WDFY4: variants seen among roughly 807,000 people sequenced by gnomAD.
WDFY4 encodes the protein WDFY family member 4.
Under a neutral mutation model 351.9 loss-of-function variants are expected in WDFY4, and 169 were observed. That is an observed-to-expected ratio of 0.48 (90% CI 0.42 to 0.55). WDFY4 has a LOEUF of 0.55. Ranked by LOEUF, WDFY4 falls within the 20% of genes least tolerant of loss-of-function variation. The pLI is 0.00. For synonymous variants in WDFY4, 1,622 were observed against 1,574.6 expected (o/e 1.03, Z -0.71); for missense variants, 3,803 against 3,935.6 (o/e 0.97, Z 0.90).
At chr10:48,822,762 C>A (rs2067867662) in intron 35 of WDFY4, among the ~76,000 whole-genome samples, 1 of 152,232 alleles carries the variant, frequency 6.6e-6, no homozygotes, top group African/African-American at 2.4e-5. Flanking sequence ...GGATTGGAAG[C>A]CTCAGCTCCC....
Position 48,901,969 on chromosome 10 carries a change from C to T in WDFY4, c.7586+106C>T, listed in dbSNP as rs1047394212. On this transcript the variant is annotated intron_variant, in intron 47 of 61. Transcript: ENST00000325239. ...GAAGTCTTGCAGAGAGCATGCCCAA[C>T]AGTTTCCCTCATTTTTCTCTCTCCT... is the stretch of plus-strand genomic sequence containing the variant. 28 of 1,011,852 alleles carry T rather than the reference C, an allele frequency of 2.8e-5. No homozygotes were observed. The African/African-American group carries it at 3.2e-4, about 12-fold the overall frequency. The allele number at this position is 1,011,852 out of a possible 1,614,324, so 62.7% of individuals were successfully genotyped here.
At position 48,914,014 on chromosome 10, in the gene WDFY4, G is replaced by T. The variant is rs373215473; in HGVS notation, c.7586+12151G>T. ...TCCAGCTCGTCCATGTCACTAAGGCGCAGAATACACTTGGGGAAGGTGGTA... is the reference window on the plus strand; with the variant it reads ...TCCAGCTCGTCCATGTCACTAAGGCTCAGAATACACTTGGGGAAGGTGGTA... On this transcript the variant is annotated intron_variant, in intron 47 of 61. Transcript: ENST00000325239. 1.1e-5 allele frequency: 18 copies of T among 1,614,054 alleles called. No individual in the cohort carries two copies. In the African/African-American group the frequency reaches 1.5e-4, roughly 13 times the overall value.
At chr10:48,848,403 G>A (rs2940712) in intron 39 of WDFY4, among the ~76,000 whole-genome samples, 56,135 of 152,028 alleles carry the variant, frequency 0.37, 10,725 homozygotes, top group East Asian at 0.71. Flanking sequence ...TAGGTCACCC[G>A]TTTACTGGAT....
intron 39 of WDFY4, 78 bp downstream of exon 39, chr10:48,832,787 G>T: frequency 7.1e-7 from 1 of 1,415,736 alleles, no homozygotes. Flanking sequence ...CTTCTTTGCT[G>T]CCTGTTACTA....
intron 39 of WDFY4, among the ~76,000 whole-genome samples, chr10:48,843,378 T>G (rs1190232214): frequency 6.6e-6 from 1 of 152,236 alleles, no homozygotes; most frequent in African/African-American, 2.4e-5. Context: ...TTAATTTACT[T>G]AAATACTTTA....
chr10:48,796,126 G>GTGGC (rs2066866629), intron 23 of WDFY4, among the ~76,000 whole-genome samples, 172 bp from the exon 24 acceptor site: 1 of 152,188 alleles, frequency 6.6e-6, no homozygotes, highest in Non-Finnish European at 1.5e-5. Flanking sequence ...TCAGGTCATA[G>GTGGC]CACAGAAAAG....
At chr10:48,851,724 G>C (rs565431515) in intron 39 of WDFY4, among the ~76,000 whole-genome samples, 2 of 152,352 alleles carry the variant, frequency 1.3e-5, no homozygotes, top group East Asian at 1.9e-4. Flanking sequence ...TGTTTCCTGC[G>C]GGACAGCTTG....
chr10:48,851,909 C>A (rs1051576478), intron 39 of WDFY4, among the ~76,000 whole-genome samples: 2 of 152,268 alleles, frequency 1.3e-5, no homozygotes, highest in East Asian at 3.8e-4. Context: ...ACTGGGAGAG[C>A]AGGGCCTAGA....
intron 47 of WDFY4, among the ~76,000 whole-genome samples, chr10:48,917,081 T>C (rs138757422): frequency 6.7e-4 from 102 of 152,340 alleles, no homozygotes; most frequent in African/African-American, 2.1e-3. Flanking sequence ...TAACATGCTG[T>C]ACAGGTCTGT....
rs2131856014 is a variant in WDFY4, at chr10:48,974,761, C to T, written c.8929-101C>T. 8 of 1,255,714 alleles carry T rather than the reference C, an allele frequency of 6.4e-6. 1 individual carries two copies. Among genetic ancestry groups the T allele is most frequent in the African/African-American group, 4.5e-5 (3 of 66,058 alleles). 77.8% of individuals were successfully genotyped at this position (1,255,714 alleles called of 1,614,324 possible). On this transcript the variant is annotated intron_variant, in intron 57 of 61. Coordinates refer to ENST00000325239, the MANE Select transcript of WDFY4 (RefSeq NM_001394531.1). Reference sequence around the variant, plus strand: ...GAATCACTGACTCACTCAGAATCTCCATTTCCTCATCCAGCACCCAGCTTT... The same window carrying T: ...GAATCACTGACTCACTCAGAATCTCTATTTCCTCATCCAGCACCCAGCTTT...
intron 29 of WDFY4, 22 bp downstream of exon 29, chr10:48,810,757 G>T: frequency 6.7e-7 from 1 of 1,497,876 alleles, no homozygotes; most frequent in South Asian, 1.3e-5. Context: ...GCTGTCTCCA[G>T]GGAGTGGGGC....
At chr10:48,691,063 C>T (rs1026367921) in intron 1 of WDFY4, among the ~76,000 whole-genome samples, 4 of 152,166 alleles carry the variant, frequency 2.6e-5, no homozygotes, top group Admixed American at 2.6e-4. Flanking sequence ...GTGCAAGTGG[C>T]CTTCAACCCC....
At chr10:48,696,758 T>A (rs1375656059) in intron 1 of WDFY4, among the ~76,000 whole-genome samples, 1 of 152,240 alleles carries the variant, frequency 6.6e-6, no homozygotes, top group African/African-American at 2.4e-5. Context: ...TTTAAGAGCT[T>A]CGAGGCAGCA....
At chr10:48,914,532 G>A (rs1471501600) in intron 47 of WDFY4, among the ~76,000 whole-genome samples, 1 of 152,132 alleles carries the variant, frequency 6.6e-6, no homozygotes, top group African/African-American at 2.4e-5. Flanking sequence ...AGACTGTCAC[G>A]TACCCCCAAC....
rs184024482 is a variant in WDFY4, at chr10:48,974,819, G to A, written c.8929-43G>A. The A allele has an allele frequency of 8.1e-5, 120 of 1,476,626 alleles. No individual in the cohort carries two copies. In the African/African-American group the frequency reaches 1.5e-3, roughly 19 times the overall value. 91.5% of individuals were successfully genotyped at this position (1,476,626 alleles called of 1,614,324 possible). On this transcript the variant is annotated intron_variant, in intron 57 of 61. Coordinates refer to ENST00000325239, the MANE Select transcript of WDFY4 (RefSeq NM_001394531.1). The stretch of plus-strand genomic sequence containing the variant: ...GGGTGAAGAATTCCCAAAAGTAGCT[G>A]AATTGAGGGTCCCTCTCCTAACCTG...
At chr10:48,980,182 G>A (rs1842750929) in intron 60 of WDFY4, 1 of 152,168 alleles carries the variant, frequency 6.6e-6, no homozygotes, top group African/African-American at 2.4e-5. Flanking sequence ...GGATGACATG[G>A]ACATATTCAA....
intron 13 of WDFY4, among the ~76,000 whole-genome samples, chr10:48,764,848 T>C (rs923380837): frequency 1.3e-4 from 20 of 152,146 alleles, no homozygotes; most frequent in African/African-American, 4.8e-4. Context: ...TAGAAGATAG[T>C]AAAACAACAT....
intron 43 of WDFY4, among the ~76,000 whole-genome samples, chr10:48,883,620 C>T (rs1564447256): frequency 6.6e-6 from 1 of 152,174 alleles, no homozygotes; most frequent in Non-Finnish European, 1.5e-5. Context: ...CCCCACTCCT[C>T]CTCCCCTACC....
intron 21 of WDFY4, 142 bp from the exon 22 acceptor site, chr10:48,789,732 A>T: frequency 1.4e-6 from 1 of 723,460 alleles, no homozygotes; most frequent in Non-Finnish European, 2.3e-6. Context: ...ACATTGGTTC[A>T]ATTGCTATTC....
Sources: allele counts gnomAD v4.1 joint callset (sites outside exome capture counted in the v4.1 genomes callset), GRCh38; gene constraint gnomAD v4.1.1; transcripts MANE v1.5; gene names NCBI Gene and HGNC (gene_info 2026-07-23, HGNC 2026-07-21).